ERMP1: variants seen among roughly 807,000 people sequenced by gnomAD.
ERMP1 encodes the protein Felix-ina.
In ERMP1, 86 loss-of-function variants were observed where a neutral mutation model predicts 92.0. The observed-to-expected ratio is 0.93, with a 90% confidence interval of 0.79 to 1.12. ERMP1 has a LOEUF of 1.12. Among genes scored for constraint, ERMP1 ranks in the 50% most tolerant of loss-of-function variants. The pLI is 0.00. For synonymous variants in ERMP1, 530 were observed against 412.8 expected, an observed-to-expected ratio of 1.28 and a Z score of -3.44; for missense variants, 1,342 against 1,116.3, an observed-to-expected ratio of 1.20 and a Z score of -2.88.
rs975669649 is a variant in ERMP1 at position 5,785,729 on chromosome 9, A to T, written c.*1415T>A. On this transcript the variant is annotated 3_prime_UTR_variant, in exon 15 of 15. Transcript: ENST00000339450. Reference sequence around the variant, plus strand: ...ACAGATCCACAGACCACCTTTCAAGAGCATTCCTCTCTCATTTCCTCCATC... The same window carrying T: ...ACAGATCCACAGACCACCTTTCAAGTGCATTCCTCTCTCATTTCCTCCATC... 6.6e-6 allele frequency: 1 copy of T among 152,630 alleles called. No homozygotes were observed. The highest frequency in any genetic ancestry group is 2.4e-5 in the African/African-American group (1 of 41,458). 9.5% of individuals were successfully genotyped at this position (152,630 alleles called of 1,614,324 possible).
intron 8 of ERMP1, among the ~76,000 whole-genome samples, chr9:5,809,067 G>T (rs1342144442): frequency 6.6e-6 from 1 of 151,894 alleles, no homozygotes; most frequent in Non-Finnish European, 1.5e-5. Context: ...TGTCGCCCCA[G>T]CTGGAGTGCA....
chr9:5,809,170 G>A (rs1225996564), intron 8 of ERMP1, among the ~76,000 whole-genome samples: 5 of 151,972 alleles, frequency 3.3e-5, no homozygotes, highest in East Asian at 3.9e-4. Flanking sequence ...TACAGGCGCC[G>A]CCACCTCGCC....
chr9:5,816,898 CTTT>C (rs1158837649), intron 4 of ERMP1, among the ~76,000 whole-genome samples: 9 of 135,104 alleles, frequency 6.7e-5, no homozygotes, highest in African/African-American at 8.1e-5. Context: ...AGAGCCTATG[CTTT>C]TTTTTTTTTT....
chr9:5,838,508 G>A (rs890963546), intron 6 of ERMP1, among the ~76,000 whole-genome samples: 2 of 150,500 alleles, frequency 1.3e-5, no homozygotes, highest in African/African-American at 4.9e-5. Flanking sequence ...TCCAGCCTGG[G>A]CGACAGGGCA....
At chr9:5,825,654 G>C (rs987026598) in intron 2 of ERMP1, among the ~76,000 whole-genome samples, 1 of 152,108 alleles carries the variant, frequency 6.6e-6, no homozygotes, top group Admixed American at 6.6e-5. Flanking sequence ...TTTCTTGCTT[G>C]TTTTCCTGCC....
chr9:5,834,264 T>A (rs1037120258), upstream of ERMP1, among the ~76,000 whole-genome samples: 4 of 152,184 alleles, frequency 2.6e-5, no homozygotes, highest in African/African-American at 7.2e-5. Flanking sequence ...TCTTTTTAAC[T>A]CCTAGTTATC....
chr9:5,809,665 C>A (rs1482615094), intron 8 of ERMP1, among the ~76,000 whole-genome samples: 1 of 152,210 alleles, frequency 6.6e-6, no homozygotes, highest in Non-Finnish European at 1.5e-5. Flanking sequence ...GGAGCTTACA[C>A]TCCAATGGAG....
At chr9:5,820,581 C>T (rs1337131436) in intron 4 of ERMP1, among the ~76,000 whole-genome samples, 2 of 152,140 alleles carry the variant, frequency 1.3e-5, no homozygotes, top group Non-Finnish European at 1.5e-5. Flanking sequence ...TTCTTTCTGG[C>T]CCTTCTTAAA....
At chr9:5,851,507 A>G (rs1830306558) in intron 6 of ERMP1, among the ~76,000 whole-genome samples, 1 of 152,224 alleles carries the variant, frequency 6.6e-6, no homozygotes, top group African/African-American at 2.4e-5. Context: ...TAATATATAG[A>G]AGTGGGAGGA....
chr9:5,837,059 C>T (rs1190115262), upstream of ERMP1, among the ~76,000 whole-genome samples: 1 of 152,118 alleles, frequency 6.6e-6, no homozygotes, highest in Non-Finnish European at 1.5e-5. Context: ...ACCTTTTTTC[C>T]ATGGCCTAGT....
In ERMP1 at chr9:5,801,043, C is replaced by T. The variant is rs1017242398; in HGVS notation, c.2067+133G>A. 8.7e-6 allele frequency: 7 copies of T among 803,000 alleles called. No homozygotes were observed. The African/African-American group carries it at 1.2e-4, about 14-fold the overall frequency. The allele number at this position is 803,000 out of a possible 1,614,324, so 49.7% of individuals were successfully genotyped here. ...AGTCAGTCTTCTCCTCACTGCCTTA[C>T]ACACAAAAAAGGTGAGTATGACTAA... On this transcript the variant is annotated intron_variant, in intron 11 of 14. Coordinates refer to ENST00000339450, the MANE Select transcript of ERMP1 (RefSeq NM_024896.3).
At chr9:5,861,717 GTTTTTTTTTTTTT>G (rs34804675) in intron 5 of ERMP1, among the ~76,000 whole-genome samples, 2 of 66,228 alleles carry the variant, frequency 3.0e-5, no homozygotes, top group Admixed American at 2.4e-4. Flanking sequence ...GAGAGGAAGG[GTTTTTTTTTTTTT>G]TTTTTTTTTT....
chr9:5,806,521 G>C (rs1319311506), intron 8 of ERMP1, among the ~76,000 whole-genome samples: 3 of 150,910 alleles, frequency 2.0e-5, no homozygotes, highest in Non-Finnish European at 4.4e-5. Context: ...TCAGCCTCCT[G>C]GGCTCAAGTG....
chr9:5,859,851 A>G (rs547491142), intron 5 of ERMP1, among the ~76,000 whole-genome samples: 224 of 152,352 alleles, frequency 1.5e-3, no homozygotes, highest in Non-Finnish European at 2.8e-3. Flanking sequence ...ATTCAAGTGT[A>G]TCATTACTAA....
chr9:5,849,982 A>G (rs987958775), intron 6 of ERMP1, among the ~76,000 whole-genome samples: 1 of 152,200 alleles, frequency 6.6e-6, no homozygotes, highest in Non-Finnish European at 1.5e-5. Flanking sequence ...TGTGGATTTC[A>G]ATCGTGGCCT....
chr9:5,825,902 T>C (rs1368631924), intron 2 of ERMP1, among the ~76,000 whole-genome samples: 2 of 152,224 alleles, frequency 1.3e-5, no homozygotes, highest in African/African-American at 4.8e-5. Flanking sequence ...ACTATAAAGA[T>C]GACTTAACTG....
At chr9:5,807,406 C>T (rs1040773862) in intron 8 of ERMP1, among the ~76,000 whole-genome samples, 4 of 152,174 alleles carry the variant, frequency 2.6e-5, no homozygotes, top group Non-Finnish European at 5.9e-5. Context: ...CCTTAAACCG[C>T]TCATCAATCT....
At chr9:5,807,757 CAAA>C (rs371802181) in intron 8 of ERMP1, among the ~76,000 whole-genome samples, 11 of 148,656 alleles carry the variant, frequency 7.4e-5, no homozygotes, top group Admixed American at 3.3e-4. Flanking sequence ...ACAACAACAA[CAAA>C]AAAAAAACGG....
chr9:5,863,924 T>C (rs969885118), intron 5 of ERMP1, among the ~76,000 whole-genome samples: 1 of 152,254 alleles, frequency 6.6e-6, no homozygotes, highest in Non-Finnish European at 1.5e-5. Flanking sequence ...TTCAGTAGTA[T>C]AGATCTACTG....
Sources: allele counts gnomAD v4.1 joint callset (sites outside exome capture counted in the v4.1 genomes callset), GRCh38; gene constraint gnomAD v4.1.1; transcripts MANE v1.5; gene names NCBI Gene and HGNC (gene_info 2026-07-23, HGNC 2026-07-21).